The following TBC1D5 variants were observed in gnomAD, a reference collection of about 807,000 sequenced individuals.
TBC1D5 encodes TBC1 domain family, member 5.
TBC1D5 carries 75 observed loss-of-function variants against 100.3 expected under a neutral mutation model. That is an observed-to-expected ratio of 0.75 (90% CI 0.62 to 0.91). TBC1D5 has a LOEUF of 0.91. Ranked by LOEUF, TBC1D5 falls within the 40% of genes least tolerant of loss-of-function variation. TBC1D5 has a pLI of 0.00. For synonymous variants in TBC1D5, 323 were observed against 325.6 expected, an observed-to-expected ratio of 0.99 and a Z score of 0.09; for missense variants, 910 against 942.4, an observed-to-expected ratio of 0.97 and a Z score of 0.45.
At chr3:17,661,504 CTT>C (rs34017083) in intron 1 of TBC1D5, among the ~76,000 whole-genome samples, 1,516 of 133,294 alleles carry the variant, frequency 0.011, 17 homozygotes, top group African/African-American at 0.027. Context: ...TCATTAGCAT[CTT>C]TTTTTTTTTT....
intron 19 of TBC1D5, among the ~76,000 whole-genome samples, chr3:17,180,175 A>G (rs944689659): frequency 1.3e-5 from 2 of 152,246 alleles, no homozygotes; most frequent in Admixed American, 1.3e-4. Flanking sequence ...TTAATAAAAC[A>G]TATTTTCAAT....
intron 15 of TBC1D5, among the ~76,000 whole-genome samples, chr3:17,291,279 T>C (rs1479192997): frequency 4.6e-5 from 7 of 152,242 alleles, no homozygotes; most frequent in Admixed American, 3.9e-4. Flanking sequence ...TCAAGAAATA[T>C]AACATTAGTT....
chr3:17,275,375 C>T (rs892182224), intron 15 of TBC1D5, among the ~76,000 whole-genome samples: 2 of 151,930 alleles, frequency 1.3e-5, no homozygotes, highest in African/African-American at 2.4e-5. Flanking sequence ...ACCGTCTCTA[C>T]GAAAGAGTGA....
chr3:17,644,842 G>A (rs1471911545), intron 1 of TBC1D5, among the ~76,000 whole-genome samples: 1 of 152,064 alleles, frequency 6.6e-6, no homozygotes, highest in Non-Finnish European at 1.5e-5. Context: ...ACAAATTACT[G>A]TCATGATTAG....
exon 15 of TBC1D5, chr3:17,291,945 C>T (rs1376932124): frequency 1.2e-5 from 19 of 1,613,752 alleles, no homozygotes; most frequent in East Asian, 2.2e-5. Context: ...TGTACATCCC[C>T]GATGAATGGG....
intron 14 of TBC1D5, among the ~76,000 whole-genome samples, chr3:17,306,192 T>C (rs1261591595): frequency 6.6e-6 from 1 of 152,178 alleles, no homozygotes; most frequent in Non-Finnish European, 1.5e-5. Flanking sequence ...TGCACAATTT[T>C]CTCTATTGAC....
At chr3:17,455,240 A>AT (rs1282615458) in intron 3 of TBC1D5, among the ~76,000 whole-genome samples, 12 of 146,578 alleles carry the variant, frequency 8.2e-5, no homozygotes, top group African/African-American at 2.7e-4. Flanking sequence ...TTGTATACAT[A>AT]TATTATTGTA....
chr3:17,397,852 C>T (rs2093549878), intron 8 of TBC1D5, among the ~76,000 whole-genome samples: 1 of 152,000 alleles, frequency 6.6e-6, no homozygotes, highest in African/African-American at 2.4e-5. Context: ...TAAATATGGT[C>T]AAAGTTACAA....
intron 16 of TBC1D5, among the ~76,000 whole-genome samples, chr3:17,241,195 C>T (rs1222576283): frequency 1.3e-5 from 2 of 152,028 alleles, no homozygotes; most frequent in Non-Finnish European, 2.9e-5. Flanking sequence ...AGTTTTTATA[C>T]CAAAGTTATC....
chr3:17,638,410 A>C (rs909908846), intron 1 of TBC1D5, among the ~76,000 whole-genome samples: 15 of 152,060 alleles, frequency 9.9e-5, no homozygotes, highest in African/African-American at 3.6e-4. Context: ...TATGAAAAGA[A>C]TCATCTAGTA....
chr3:17,181,193 T>G (rs1467704531), intron 19 of TBC1D5, among the ~76,000 whole-genome samples: 1 of 152,186 alleles, frequency 6.6e-6, no homozygotes, highest in African/African-American at 2.4e-5. Context: ...ATCTTAGAAC[T>G]AGCACATCCC....
intron 13 of TBC1D5, among the ~76,000 whole-genome samples, chr3:17,323,760 G>C (rs1177682492): frequency 6.6e-6 from 1 of 152,046 alleles, no homozygotes; most frequent in Non-Finnish European, 1.5e-5. Flanking sequence ...TCCTAAAACT[G>C]ATTTTATAGA....
chr3:17,275,048 G>C (rs564659930), intron 15 of TBC1D5, among the ~76,000 whole-genome samples: 1 of 152,284 alleles, frequency 6.6e-6, no homozygotes, highest in Non-Finnish European at 1.5e-5. Context: ...AGCAACCATG[G>C]AGTAAAAAGA....
chr3:17,728,565 A>T (rs535998415), intron 1 of TBC1D5, among the ~76,000 whole-genome samples: 5 of 152,222 alleles, frequency 3.3e-5, no homozygotes. Flanking sequence ...AAGATTTCAG[A>T]GACAGATCCA....
At chr3:17,170,406 A>G (rs1248569441) in intron 19 of TBC1D5, among the ~76,000 whole-genome samples, 1 of 152,152 alleles carries the variant, frequency 6.6e-6, no homozygotes, top group African/African-American at 2.4e-5. Flanking sequence ...GAACTAAAGA[A>G]AGTCCCCCTG....
At chr3:17,287,046 T>C (rs2081257350) in intron 15 of TBC1D5, among the ~76,000 whole-genome samples, 1 of 152,246 alleles carries the variant, frequency 6.6e-6, no homozygotes, top group Admixed American at 6.5e-5. Flanking sequence ...ATAATTCTGA[T>C]ATATAGCAAA....
chr3:17,518,104 G>C (rs766877937), intron 2 of TBC1D5, among the ~76,000 whole-genome samples: 24 of 152,120 alleles, frequency 1.6e-4, no homozygotes, highest in Non-Finnish European at 7.4e-5. Flanking sequence ...AAAAACAGTA[G>C]AGTAGGAACA....
At chr3:17,538,197 G>A (rs1454757316) in intron 2 of TBC1D5, among the ~76,000 whole-genome samples, 1 of 152,038 alleles carries the variant, frequency 6.6e-6, no homozygotes, top group African/African-American at 2.4e-5. Context: ...ATAGTCAGGT[G>A]GTTGTTAAAC....
intron 1 of TBC1D5, chr3:17,706,365 C>T (rs774609861): frequency 4.0e-4 from 479 of 1,187,900 alleles, no homozygotes; most frequent in Admixed American, 1.4e-3. Context: ...TGAAGGAAAG[C>T]TAATCTAATA....
Sources: gnomAD v4.1 joint callset for allele counts (sites outside exome capture counted in the v4.1 genomes callset) on GRCh38, gnomAD v4.1.1 for gene constraint, MANE v1.5 for transcripts, NCBI Gene and HGNC (gene_info 2026-07-23, HGNC 2026-07-21) for gene names.